The following ADAMTS16 variants were observed in gnomAD, a reference collection of about 807,000 sequenced individuals.
ADAMTS16 encodes A disintegrin and metalloproteinase with thrombospondin motifs 16.
In ADAMTS16, 94 loss-of-function variants were observed where a neutral mutation model predicts 145.8. The observed-to-expected ratio is 0.64, with a 90% CI of 0.55 to 0.77. The LOEUF is 0.77. ADAMTS16 is among the 30% of genes least tolerant of loss of function. The pLI is 0.00. For synonymous variants in ADAMTS16, 659 were observed against 604.3 expected, an observed-to-expected ratio of 1.09 and a Z score of -1.33; for missense variants, 1,585 against 1,591.5, an observed-to-expected ratio of 1.00 and a Z score of 0.07.
At chr5:5,225,860 A>G (rs1338742492) in intron 11 of ADAMTS16, among the ~76,000 whole-genome samples, 1 of 152,110 alleles carries the variant, frequency 6.6e-6, no homozygotes, top group Non-Finnish European at 1.5e-5. Context: ...TGTGAAGATA[A>G]TTAATTCACA....
At chr5:5,165,310 C>T (rs138905646) in intron 3 of ADAMTS16, among the ~76,000 whole-genome samples, 1 of 152,148 alleles carries the variant, frequency 6.6e-6, no homozygotes, top group Non-Finnish European at 1.5e-5. Flanking sequence ...GGCGCCCCAT[C>T]GTATCCCACT....
chr5:5,218,359 C>G (rs1386147548), intron 10 of ADAMTS16, among the ~76,000 whole-genome samples: 1 of 152,194 alleles, frequency 6.6e-6, no homozygotes, highest in African/African-American at 2.4e-5. Context: ...GTGTGGCTCG[C>G]TCCTTCTGTC....
intron 16 of ADAMTS16, among the ~76,000 whole-genome samples, chr5:5,240,910 T>G (rs939166222): frequency 3.9e-5 from 6 of 152,274 alleles, no homozygotes; most frequent in Admixed American, 3.9e-4. Context: ...ATCTAAGGCT[T>G]TTAGCTTTAA....
intron 18 of ADAMTS16, among the ~76,000 whole-genome samples, chr5:5,264,267 G>C (rs547917780): frequency 6.6e-6 from 1 of 152,138 alleles, no homozygotes; most frequent in Non-Finnish European, 1.5e-5. Context: ...TTTCACAGGG[G>C]ACCTGCCCCT....
chr5:5,187,135 C>G (rs79285381), intron 5 of ADAMTS16, among the ~76,000 whole-genome samples: 2,860 of 152,306 alleles, frequency 0.019, 97 homozygotes, highest in African/African-American at 0.065. Context: ...GTGTTTGCCT[C>G]TCTTCTGTAG....
chr5:5,303,227 A>G, intron 18 of ADAMTS16, 41 bp from the exon 19 acceptor site: 2 of 1,492,630 alleles, frequency 1.3e-6, no homozygotes, highest in Non-Finnish European at 1.8e-6. Context: ...TATCAGAGTG[A>G]TGGAGCCATC....
intron 20 of ADAMTS16, among the ~76,000 whole-genome samples, chr5:5,305,015 AC>A (rs1739994608): frequency 2.7e-5 from 2 of 75,086 alleles, no homozygotes; most frequent in Non-Finnish European, 5.5e-5. Flanking sequence ...ATCCCACACC[AC>A]ACACACACAC....
chr5:5,220,614 C>T (rs979115919), intron 10 of ADAMTS16, among the ~76,000 whole-genome samples: 3 of 152,142 alleles, frequency 2.0e-5, no homozygotes, highest in Admixed American at 6.5e-5. Context: ...CTCCTCAAGC[C>T]CTTAAGCGAG....
At chr5:5,256,404 G>T (rs964510825) in intron 17 of ADAMTS16, among the ~76,000 whole-genome samples, 5 of 152,156 alleles carry the variant, frequency 3.3e-5, no homozygotes, top group Non-Finnish European at 7.3e-5. Flanking sequence ...ACTGGCCAAG[G>T]CAAAACTTGC....
chr5:5,178,347 C>T (rs1735251511), intron 3 of ADAMTS16, among the ~76,000 whole-genome samples: 1 of 152,208 alleles, frequency 6.6e-6, no homozygotes, highest in Admixed American at 6.5e-5. Flanking sequence ...ATCCACCCGC[C>T]TGACATTCCA....
rs79580600 is a variant in ADAMTS16, at chr5:5,175,734, C to T, written c.502-6310C>T. Among the ~76,000 whole-genome samples, 134 of 152,270 alleles carry T rather than the reference C, an allele frequency of 8.8e-4. No homozygotes were observed. In the East Asian group the frequency reaches 0.025, roughly 28 times the overall value. On this transcript the variant is annotated intron_variant, in intron 3 of 22. Coordinates refer to ENST00000274181, the MANE Select transcript of ADAMTS16 (RefSeq NM_139056.4). ...CTTGCCCTGGTCTGGTCTAAATGTT[C>T]CGTCTGTGGGTGTCGGCTGAGTTCT...
intron 8 of ADAMTS16, among the ~76,000 whole-genome samples, chr5:5,193,210 CAT>C (rs1380167912): frequency 6.6e-6 from 1 of 152,004 alleles, no homozygotes; most frequent in Non-Finnish European, 1.5e-5. Context: ...TGTGTATACA[CAT>C]GTGCTTGTGT....
In ADAMTS16 at chr5:5,239,252, C is replaced by T; in HGVS notation, c.2256C>T (p.Tyr752=). Reference sequence around the variant, plus strand: ...CCTGCACGATTCACAGGGGTCTCTACACCAAGCACCACCACACCAACCGTG... The same window carrying T: ...CCTGCACGATTCACAGGGGTCTCTATACCAAGCACCACCACACCAACCGTG... The part of the protein sequence containing the change: ...NSACTIHRGL[Y]TKHHHTNQYY... The change falls in exon 15 of 23, where the codon TAC becomes TAT. Residue 752 remains tyrosine, a synonymous_variant. Coordinates refer to ENST00000274181, the MANE Select transcript of ADAMTS16 (RefSeq NM_139056.4). 1 of 1,585,378 alleles carries T rather than the reference C, an allele frequency of 6.3e-7. No homozygotes were observed. Among genetic ancestry groups the T allele is most frequent in the Non-Finnish European group, 8.6e-7 (1 of 1,168,570 alleles).
chr5:5,155,662 G>A (rs1734583222), intron 3 of ADAMTS16, among the ~76,000 whole-genome samples: 1 of 152,164 alleles, frequency 6.6e-6, no homozygotes, highest in Admixed American at 6.5e-5. Context: ...GGTTCTTTAA[G>A]TAAGCTACAA....
intron 8 of ADAMTS16, among the ~76,000 whole-genome samples, chr5:5,199,421 T>C (rs987834461): frequency 2.0e-5 from 3 of 152,142 alleles, no homozygotes; most frequent in African/African-American, 7.2e-5. Context: ...TAACCTGTGC[T>C]TCTTCAAACG....
At chr5:5,300,682 T>C (rs988796795) in intron 18 of ADAMTS16, among the ~76,000 whole-genome samples, 7 of 152,212 alleles carry the variant, frequency 4.6e-5, no homozygotes, top group Non-Finnish European at 1.0e-4. Flanking sequence ...GGATCAATTC[T>C]GTTTCCCATC....
chr5:5,308,486 A>G (rs4702256), intron 21 of ADAMTS16, among the ~76,000 whole-genome samples: 91,532 of 151,986 alleles, frequency 0.6, 27,874 homozygotes, highest in Non-Finnish European at 0.64. Flanking sequence ...GCTGTGAGCT[A>G]TCAGCATAAC....
intron 3 of ADAMTS16, among the ~76,000 whole-genome samples, chr5:5,181,164 A>C (rs929225464): frequency 7.2e-5 from 11 of 152,192 alleles, no homozygotes; most frequent in Non-Finnish European, 1.6e-4. Context: ...ATTTGGCGAG[A>C]ATTCCCAAAA....
chr5:5,258,513 G>T (rs948588018), intron 17 of ADAMTS16, among the ~76,000 whole-genome samples: 4 of 152,216 alleles, frequency 2.6e-5, no homozygotes, highest in Admixed American at 2.6e-4. Context: ...GCCCTTCCAG[G>T]GTGCCCTGAT....
Sources: allele counts gnomAD v4.1 joint callset (sites outside exome capture counted in the v4.1 genomes callset), GRCh38; gene constraint gnomAD v4.1.1; transcripts MANE v1.5; gene names NCBI Gene and HGNC (gene_info 2026-07-23, HGNC 2026-07-21).